ATP10D: variants seen among roughly 807,000 people sequenced by gnomAD.
The protein encoded by ATP10D is phospholipid-transporting ATPase VD.
Under a neutral mutation model 144.8 loss-of-function variants are expected in ATP10D, and 89 were observed. The observed-to-expected ratio is 0.61, with a 90% CI of 0.52 to 0.73. ATP10D has a LOEUF of 0.73. Ranked by LOEUF, ATP10D falls within the 30% of genes least tolerant of loss-of-function variation. The pLI is 0.00. For synonymous variants in ATP10D, 571 were observed against 615.1 expected (o/e 0.93, Z 1.06); for missense variants, 1,603 against 1,714.8 (o/e 0.93, Z 1.15).
chr4:47,497,832 T>G (rs1305387000), intron 1 of ATP10D, among the ~76,000 whole-genome samples: 1 of 152,234 alleles, frequency 6.6e-6, no homozygotes. Context: ...TCCAAACCTC[T>G]GTTTTCTTCT....
intron 1 of ATP10D, among the ~76,000 whole-genome samples, chr4:47,503,201 T>TA (rs1286565177): frequency 1.3e-5 from 2 of 151,900 alleles, no homozygotes; most frequent in Non-Finnish European, 2.9e-5. Flanking sequence ...GACTCCATCT[T>TA]AAAAAATAAA....
At chr4:47,567,084 C>T (rs1356766032) in intron 15 of ATP10D, among the ~76,000 whole-genome samples, 1 of 152,182 alleles carries the variant, frequency 6.6e-6, no homozygotes, top group Non-Finnish European at 1.5e-5. Context: ...CAAAAGAAGG[C>T]ATCATGGTGT....
At chr4:47,555,417 G>C (rs73237099) in intron 11 of ATP10D, among the ~76,000 whole-genome samples, 1 of 152,108 alleles carries the variant, frequency 6.6e-6, no homozygotes, top group Non-Finnish European at 1.5e-5. Flanking sequence ...TGGTCTAAGT[G>C]ATTTATTGGT....
chr4:47,559,103 G>A, intron 13 of ATP10D, 74 bp downstream of exon 13: 1 of 1,156,744 alleles, frequency 8.6e-7, no homozygotes. Context: ...AAACCAGCGT[G>A]TAGCAAACCC....
intron 10 of ATP10D, among the ~76,000 whole-genome samples, chr4:47,550,489 G>C (rs190548384): frequency 1.3e-5 from 2 of 151,920 alleles, no homozygotes; most frequent in African/African-American, 2.4e-5. Context: ...CATGGGGTTG[G>C]GGGGGGCGGT....
intron 1 of ATP10D, among the ~76,000 whole-genome samples, chr4:47,485,915 G>GT (rs1022960026): frequency 2.6e-5 from 4 of 151,958 alleles, no homozygotes; most frequent in African/African-American, 9.7e-5. Flanking sequence ...TTGTCATCCC[G>GT]TTGTGAAATA....
chr4:47,500,170 C>T lies in ATP10D; in HGVS notation c.-37-12334C>T, dbSNP rs866120655. Among the ~76,000 whole-genome samples the T allele has an allele frequency of 4.6e-5, 7 of 152,280 alleles. No individual in the cohort carries two copies. In the Middle Eastern group the frequency reaches 0.01, roughly 222 times the overall value. ...TGCCTGATATTATACTCTTCTAGGC[C>T]TAGGCCATATCAGTGAACCAAAAAG... is the stretch of plus-strand genomic sequence containing the variant. On this transcript the variant is annotated intron_variant, in intron 1 of 22. Coordinates refer to ENST00000273859, the MANE Select transcript of ATP10D (RefSeq NM_020453.4).
At chr4:47,496,839 T>C (rs542948315) in intron 1 of ATP10D, among the ~76,000 whole-genome samples, 213 of 152,098 alleles carry the variant, frequency 1.4e-3, no homozygotes, top group Middle Eastern at 0.01. Context: ...TTATAAGATA[T>C]TAATTAATTA....
At chr4:47,563,293 A>G (rs1214139657) in intron 14 of ATP10D, among the ~76,000 whole-genome samples, 3 of 152,226 alleles carry the variant, frequency 2.0e-5, no homozygotes, top group Non-Finnish European at 4.4e-5. Flanking sequence ...GTAAGGTTGC[A>G]TAAATAATTG....
At position 47,563,736 on chromosome 4, in the gene ATP10D, A is replaced by T. The variant is rs781034898; in HGVS notation, c.2824A>T (p.Lys942Ter). Reference protein sequence around the residue: ...YACKLLEPDDKLFILNTQSKD... With the variant: ...YACKLLEPDD ...ATGCAAACTACTGGAGCCAGATGAC[A>T]AGCTTTTTATCCTCAATACCCAAAG... The change falls in exon 15 of 23, where the codon AAG becomes TAG. Residue 942 changes from lysine (K) to a stop codon, truncating the protein, a stop_gained. Transcript: ENST00000273859. LOFTEE classifies it high-confidence loss of function. The T allele has an allele frequency of 6.2e-7, 1 of 1,610,680 alleles. No homozygotes were observed. The highest frequency in any genetic ancestry group is 1.1e-5 in the South Asian group (1 of 90,412).
At chr4:47,515,409 A>T in intron 2 of ATP10D, 67 bp from the exon 3 acceptor site, 2 of 1,263,396 alleles carry the variant, frequency 1.6e-6, no homozygotes, top group Non-Finnish European at 2.2e-6. Context: ...ACAATATAGT[A>T]CTTTGCCTCT....
chr4:47,525,678 T>G (rs752611114), intron 5 of ATP10D, 36 bp downstream of exon 5: 1 of 1,476,352 alleles, frequency 6.8e-7, no homozygotes, highest in Non-Finnish European at 9.5e-7. Flanking sequence ...TGGGTGTAAG[T>G]GGAATTGTGT....
chr4:47,511,869 A>T (rs1420749968), intron 1 of ATP10D, among the ~76,000 whole-genome samples: 1 of 152,222 alleles, frequency 6.6e-6, no homozygotes, highest in African/African-American at 2.4e-5. Flanking sequence ...AGTGGTTCCT[A>T]GAACAGTGAG....
chr4:47,547,107 A>C (rs1426528092), intron 10 of ATP10D: 2 of 494,118 alleles, frequency 4.0e-6, no homozygotes, highest in East Asian at 7.3e-5. Flanking sequence ...AAAAAGGAGA[A>C]TATTTCTGGC....
chr4:47,524,800 G>T (rs530250009), intron 4 of ATP10D, among the ~76,000 whole-genome samples: 1 of 152,272 alleles, frequency 6.6e-6, no homozygotes, highest in East Asian at 1.9e-4. Flanking sequence ...ATAGATTTTA[G>T]TGCGTCGAAA....
At chr4:47,582,133 A>C (rs939089219) in intron 21 of ATP10D, 69 bp downstream of exon 21, 93 of 1,255,900 alleles carry the variant, frequency 7.4e-5, no homozygotes, top group Non-Finnish European at 5.8e-5. Context: ...TTCTATTAGC[A>C]GTGACCCTGA....
intron 12 of ATP10D, among the ~76,000 whole-genome samples, chr4:47,558,577 A>G (rs1172832360): frequency 6.6e-6 from 1 of 152,206 alleles, no homozygotes; most frequent in African/African-American, 2.4e-5. Flanking sequence ...GAAAGGTTTA[A>G]TGACATACTA....
intron 1 of ATP10D, among the ~76,000 whole-genome samples, chr4:47,496,156 C>CTT (rs5858072): frequency 0.018 from 2,392 of 132,716 alleles, 110 homozygotes; most frequent in African/African-American, 0.05. Flanking sequence ...TTTCCTTTTT[C>CTT]TTTTTTTTTT....
At position 47,557,742 on chromosome 4, in the gene ATP10D, C is replaced by T. The variant is rs777603269; in HGVS notation, c.1903C>T (p.Arg635Ter). ...AAGTCTTTTCCAGAGATGGTCTGTC[C>T]GAAGATCAAGTTCTCCATCGCTTAA... Reference protein sequence around the residue: ...IKSLFQRWSVRRSSSPSLNSG... With the variant: ...IKSLFQRWSV Residue 635 changes from arginine (R) to a stop codon, truncating the protein, a stop_gained, in exon 12 of 23, where the codon CGA (arginine) becomes TGA (stop). Coordinates refer to ENST00000273859, the MANE Select transcript of ATP10D (RefSeq NM_020453.4). LOFTEE classifies it high-confidence loss of function. 1.2e-5 allele frequency: 19 copies of T among 1,613,962 alleles called. No homozygotes were observed. The East Asian group carries it at 1.3e-4, about 11-fold the overall frequency.
Sources: gnomAD v4.1 joint callset for allele counts (sites outside exome capture counted in the v4.1 genomes callset) on GRCh38, gnomAD v4.1.1 for gene constraint, MANE v1.5 for transcripts, NCBI Gene and HGNC (gene_info 2026-07-23, HGNC 2026-07-21) for gene names.